CACNA2D1: variants seen among roughly 807,000 people sequenced by gnomAD.
CACNA2D1 encodes calcium voltage-gated channel auxiliary subunit alpha2delta 1.
In CACNA2D1, 53 loss-of-function variants were observed where a neutral mutation model predicts 171.5. That is an observed-to-expected ratio of 0.31 (90% CI 0.25 to 0.39). The LOEUF is 0.39. Ranked by LOEUF, CACNA2D1 falls within the 10% of genes least tolerant of loss-of-function variation. The pLI is 1.00. For synonymous variants in CACNA2D1, 442 were observed against 443.1 expected, an observed-to-expected ratio of 1.00 and a Z score of 0.03; for missense variants, 903 against 1,299.8, an observed-to-expected ratio of 0.69 and a Z score of 4.69.
chr7:82,183,053 AG>A (rs1303052492), intron 3 of CACNA2D1, among the ~76,000 whole-genome samples: 3 of 147,746 alleles, frequency 2.0e-5, no homozygotes, highest in Non-Finnish European at 4.5e-5. Flanking sequence ...AAAAAAAAAA[AG>A]TGAGGCGCAG....
At chr7:82,119,939 T>C (rs929609610) in intron 5 of CACNA2D1, among the ~76,000 whole-genome samples, 1 of 152,162 alleles carries the variant, frequency 6.6e-6, no homozygotes, top group African/African-American at 2.4e-5. Context: ...CCCAGCACTT[T>C]GGGAGGCCCA....
chr7:82,277,571 A>G (rs1212401325), intron 3 of CACNA2D1, among the ~76,000 whole-genome samples: 1 of 152,078 alleles, frequency 6.6e-6, no homozygotes, highest in Non-Finnish European at 1.5e-5. Context: ...GAATAAAACC[A>G]TGAATGTGAT....
chr7:82,262,103 G>A (rs1036493785), intron 3 of CACNA2D1, among the ~76,000 whole-genome samples: 15 of 152,252 alleles, frequency 9.9e-5, no homozygotes, highest in Middle Eastern at 3.4e-3. Flanking sequence ...AGGCCGAGGC[G>A]GGCAGATCAC....
chr7:81,957,054 G>A (rs1006972280), intron 38 of CACNA2D1, among the ~76,000 whole-genome samples: 1 of 152,040 alleles, frequency 6.6e-6, no homozygotes, highest in African/African-American at 2.4e-5. Context: ...AGTTATTTAA[G>A]TCAGATTTAT....
intron 7 of CACNA2D1, among the ~76,000 whole-genome samples, chr7:82,066,818 AGAGGTT>A: frequency 6.6e-6 from 1 of 152,130 alleles, no homozygotes; most frequent in South Asian, 2.1e-4. Flanking sequence ...GTAGGTGTCC[AGAGGTT>A]ATAATTTTTT....
chr7:82,055,568 G>C (rs1584562058), intron 10 of CACNA2D1, among the ~76,000 whole-genome samples: 1 of 151,612 alleles, frequency 6.6e-6, no homozygotes, highest in African/African-American at 2.4e-5. Context: ...ATACACCATG[G>C]AATACTATGC....
chr7:82,245,064 G>C (rs538484388), intron 3 of CACNA2D1, among the ~76,000 whole-genome samples: 7 of 152,224 alleles, frequency 4.6e-5, no homozygotes, highest in African/African-American at 1.4e-4. Context: ...TCACACTTGG[G>C]AAAAGTGGAA....
chr7:81,956,996 A>C (rs1214876635), intron 38 of CACNA2D1, among the ~76,000 whole-genome samples: 1 of 152,180 alleles, frequency 6.6e-6, no homozygotes, highest in East Asian at 1.9e-4. Context: ...AGAAGCACTT[A>C]TTCTAAAATA....
At chr7:82,073,265 T>C (rs1446606322) in intron 7 of CACNA2D1, among the ~76,000 whole-genome samples, 2 of 152,226 alleles carry the variant, frequency 1.3e-5, no homozygotes, top group East Asian at 1.9e-4. Flanking sequence ...TGTTTCATTT[T>C]TATTTAGAAA....
At chr7:82,387,416 G>A (rs1824531469) in intron 1 of CACNA2D1, among the ~76,000 whole-genome samples, 1 of 152,170 alleles carries the variant, frequency 6.6e-6, no homozygotes, top group Non-Finnish European at 1.5e-5. Context: ...GATCAGAGAA[G>A]ATCACATATG....
At chr7:82,320,230 T>G (rs1205216410) in intron 3 of CACNA2D1, among the ~76,000 whole-genome samples, 1 of 152,120 alleles carries the variant, frequency 6.6e-6, no homozygotes, top group East Asian at 1.9e-4. Context: ...TCATTTAAAA[T>G]TAAGTCCTAC....
chr7:82,216,406 A>C (rs1201555632), intron 3 of CACNA2D1, among the ~76,000 whole-genome samples: 1 of 151,930 alleles, frequency 6.6e-6, no homozygotes, highest in Non-Finnish European at 1.5e-5. Flanking sequence ...CCTGACATTC[A>C]CTCCTCTTTC....
chr7:82,325,317 A>T (rs1257067338), intron 3 of CACNA2D1, among the ~76,000 whole-genome samples: 1 of 152,166 alleles, frequency 6.6e-6, no homozygotes. Context: ...TCTTCAGGTT[A>T]TGTCTGAATT....
chr7:81,983,942 G>A (rs1483143696), intron 22 of CACNA2D1, among the ~76,000 whole-genome samples: 1 of 151,858 alleles, frequency 6.6e-6, no homozygotes, highest in African/African-American at 2.4e-5. Flanking sequence ...AGCAATAATC[G>A]GCAGTGTGCA....
chr7:81,962,819 C>T (rs1584195644), intron 34 of CACNA2D1, among the ~76,000 whole-genome samples: 1 of 151,998 alleles, frequency 6.6e-6, no homozygotes, highest in East Asian at 1.9e-4. Flanking sequence ...TTTTCACATT[C>T]ATTACGTCTC....
chr7:82,415,786 A>T (rs1828111757), intron 1 of CACNA2D1, among the ~76,000 whole-genome samples: 1 of 152,174 alleles, frequency 6.6e-6, no homozygotes, highest in South Asian at 2.1e-4. Context: ...AGAGAAAAAA[A>T]TGCCCAGAAG....
intron 28 of CACNA2D1, 116 bp downstream of exon 28, chr7:81,969,765 T>A: frequency 1.5e-6 from 1 of 683,898 alleles, no homozygotes; most frequent in South Asian, 1.6e-5. Flanking sequence ...CTATTTTTAA[T>A]GATGACTATT....
intron 9 of CACNA2D1, among the ~76,000 whole-genome samples, chr7:82,061,345 T>G (rs1806886008): frequency 1.3e-5 from 2 of 152,074 alleles, no homozygotes; most frequent in Admixed American, 1.3e-4. Context: ...TATGGTCCCC[T>G]CTCCATCCTC....
At chr7:82,363,809 T>A (rs1261462682) in intron 1 of CACNA2D1, among the ~76,000 whole-genome samples, 1 of 152,188 alleles carries the variant, frequency 6.6e-6, no homozygotes, top group Non-Finnish European at 1.5e-5. Flanking sequence ...TTGGAGTTAA[T>A]GGATGGACTG....
Sources: gnomAD v4.1 joint callset for allele counts (sites outside exome capture counted in the v4.1 genomes callset) on GRCh38, gnomAD v4.1.1 for gene constraint, MANE v1.5 for transcripts, NCBI Gene and HGNC (gene_info 2026-07-23, HGNC 2026-07-21) for gene names.